CHN2: variants seen among roughly 807,000 people sequenced by gnomAD.
CHN2 encodes the protein beta-chimaerin.
In CHN2, 35 loss-of-function variants were observed where a neutral mutation model predicts 56.3. The observed-to-expected ratio is 0.62, with a 90% CI of 0.47 to 0.82. The LOEUF (loss-of-function observed/expected upper bound fraction) is 0.82. CHN2 is among the 40% of genes least tolerant of loss of function. The pLI is 0.00. For missense variants in CHN2, 491 were observed against 580.5 expected (o/e 0.85, Z 1.58); for synonymous variants, 210 against 212.8 (o/e 0.99, Z 0.12).
chr7:29,513,345 C>T lies in CHN2; in HGVS notation c.*610C>T, dbSNP rs1791705580. 1 of 152,614 alleles carries T rather than the reference C, an allele frequency of 6.6e-6. No individual in the cohort carries two copies. Among genetic ancestry groups the T allele is most frequent in the South Asian group, 2.1e-4 (1 of 4,826 alleles). The allele number at this position is 152,614 out of a possible 1,614,324, so 9.5% of individuals were successfully genotyped here. ...GTGCTTTTTAATGAAATTTCACCTGCCCCTTGTGTTCCTGCTTTGGATAGT... is the reference window on the plus strand; with the variant it reads ...GTGCTTTTTAATGAAATTTCACCTGTCCCTTGTGTTCCTGCTTTGGATAGT... On this transcript the variant is annotated 3_prime_UTR_variant, in exon 13 of 13. Transcript: ENST00000222792.
intron 1 of CHN2, among the ~76,000 whole-genome samples, chr7:29,350,548 C>T (rs922257525): frequency 6.6e-6 from 1 of 152,146 alleles, no homozygotes; most frequent in African/African-American, 2.4e-5. Context: ...TGGCCCCTCA[C>T]TTTGAATTCT....
intron 1 of CHN2, among the ~76,000 whole-genome samples, chr7:29,317,970 C>T (rs187985603): frequency 2.6e-4 from 39 of 152,240 alleles, no homozygotes; most frequent in Admixed American, 2.0e-3. Context: ...GGCAGCAGAA[C>T]GAGACCCTGT....
At chr7:29,265,467 G>A (rs1311681454) in intron 1 of CHN2, among the ~76,000 whole-genome samples, 1 of 152,216 alleles carries the variant, frequency 6.6e-6, no homozygotes, top group East Asian at 1.9e-4. Context: ...GGCCCCTGAA[G>A]CTGAGCAGGC....
chr7:29,457,426 C>A (rs936202952), intron 6 of CHN2, among the ~76,000 whole-genome samples: 3 of 152,160 alleles, frequency 2.0e-5, no homozygotes, highest in African/African-American at 7.2e-5. Context: ...CCTCTGCAAG[C>A]CCCATTTGAT....
At chr7:29,459,726 G>A (rs754435809) in intron 6 of CHN2, among the ~76,000 whole-genome samples, 2 of 152,136 alleles carry the variant, frequency 1.3e-5, no homozygotes, top group African/African-American at 2.4e-5. Flanking sequence ...CTGCACCCTA[G>A]CAGGGCTCCT....
intron 2 of CHN2, chr7:29,147,007 T>C (rs747423169): frequency 2.4e-4 from 379 of 1,549,922 alleles, no homozygotes; most frequent in Middle Eastern, 3.3e-4. Flanking sequence ...CTCTCCTGAA[T>C]CACTGCGCTG....
intron 1 of CHN2, among the ~76,000 whole-genome samples, chr7:29,324,988 C>G (rs1795694868): frequency 6.6e-6 from 1 of 152,142 alleles, no homozygotes; most frequent in African/African-American, 2.4e-5. Flanking sequence ...GTCTAAAATG[C>G]TTTGCTGAAG....
chr7:29,184,953 C>T lies in CHN2; in HGVS notation c.274+37993C>T, dbSNP rs114969064. Among the ~76,000 whole-genome samples the T allele has an allele frequency of 4.3e-3, 648 of 152,280 alleles. 3 individuals carry two copies. Among genetic ancestry groups the T allele is most frequent in the African/African-American group, 0.015 (614 of 41,548 alleles). ...CATAAAGAGTCAGCTAAAATACTTT[C>T]GCCTCTCTGTTGCTGCCACCATTGA... On this transcript the variant is annotated intron_variant, in intron 2 of 6. Transcript: ENST00000439384.
intron 1 of CHN2, among the ~76,000 whole-genome samples, chr7:29,243,027 G>A (rs1787809099): frequency 6.6e-6 from 1 of 151,980 alleles, no homozygotes; most frequent in Non-Finnish European, 1.5e-5. Flanking sequence ...ATCACTGAGG[G>A]AGATATTTGT....
At chr7:29,237,913 T>C (rs1374333955) in intron 1 of CHN2, among the ~76,000 whole-genome samples, 1 of 152,098 alleles carries the variant, frequency 6.6e-6, no homozygotes, top group Non-Finnish European at 1.5e-5. Context: ...CAGAACTATC[T>C]TTCCTGCTGC....
At chr7:29,217,429 C>G (rs1025508818) in intron 1 of CHN2, among the ~76,000 whole-genome samples, 10 of 152,180 alleles carry the variant, frequency 6.6e-5, no homozygotes, top group African/African-American at 2.4e-4. Context: ...ACTGTAAAAT[C>G]ATGACCTGCG....
In CHN2 at chr7:29,254,431, A is replaced by C. The variant is rs553258105; in HGVS notation, c.49+59441A>C. On this transcript the variant is annotated intron_variant, in intron 1 of 12. Transcript: ENST00000222792. ...AAGTGAAATTTGAGGCATGTATCTC[A>C]AGCACGTTCTGTAACAATGAGGAGG... Among the ~76,000 whole-genome samples, 13 of 152,354 alleles carry C rather than the reference A, an allele frequency of 8.5e-5. No individual in the cohort carries two copies. In the South Asian group the frequency reaches 2.7e-3, roughly 32 times the overall value.
chr7:29,437,254 A>C (rs1783294184), intron 6 of CHN2, among the ~76,000 whole-genome samples: 1 of 152,222 alleles, frequency 6.6e-6, no homozygotes, highest in South Asian at 2.1e-4. Flanking sequence ...TACCTGACCT[A>C]GTAGAGATTT....
intron 1 of CHN2, among the ~76,000 whole-genome samples, chr7:29,269,033 G>A (rs538244727): frequency 4.1e-4 from 63 of 152,222 alleles, no homozygotes; most frequent in African/African-American, 1.3e-3. Context: ...TATTCATCAC[G>A]TTAAACATTT....
At chr7:29,354,251 G>C (rs1327199193) in intron 1 of CHN2, among the ~76,000 whole-genome samples, 2 of 152,202 alleles carry the variant, frequency 1.3e-5, no homozygotes, top group Non-Finnish European at 2.9e-5. Context: ...ATGGGCTAAA[G>C]GTCTGATTGG....
intron 6 of CHN2, among the ~76,000 whole-genome samples, chr7:29,414,736 C>T (rs1407735426): frequency 6.6e-6 from 1 of 152,098 alleles, no homozygotes; most frequent in Non-Finnish European, 1.5e-5. Flanking sequence ...TCCAAGAGGC[C>T]GGCAAAACAG....
chr7:29,338,013 C>T (rs1385202417), intron 1 of CHN2, among the ~76,000 whole-genome samples: 1 of 152,216 alleles, frequency 6.6e-6, no homozygotes, highest in Non-Finnish European at 1.5e-5. Flanking sequence ...GACAGCCTGA[C>T]TGGGCCCCAT....
At chr7:29,404,233 A>T (rs892445499) in intron 6 of CHN2, among the ~76,000 whole-genome samples, 5 of 152,228 alleles carry the variant, frequency 3.3e-5, no homozygotes, top group Non-Finnish European at 7.3e-5. Flanking sequence ...AAAACAGATC[A>T]TGTAAGCAGA....
chr7:29,314,723 G>C (rs1247273747), intron 1 of CHN2, among the ~76,000 whole-genome samples: 1 of 152,154 alleles, frequency 6.6e-6, no homozygotes, highest in Non-Finnish European at 1.5e-5. Context: ...AACTGAGGAG[G>C]ATAGGTAGGG....
Sources: gnomAD v4.1 joint callset for allele counts (sites outside exome capture counted in the v4.1 genomes callset) on GRCh38, gnomAD v4.1.1 for gene constraint, MANE v1.5 for transcripts, NCBI Gene and HGNC (gene_info 2026-07-23, HGNC 2026-07-21) for gene names.